Variants in TSHZ2 observed in about 807,000 individuals in gnomAD.
TSHZ2 encodes teashirt homolog 2.
A neutral mutation model predicts 74.4 loss-of-function variants in TSHZ2; 21 were observed. The ratio of observed to expected loss-of-function variants is 0.28; its 90% CI spans 0.20 to 0.41. The LOEUF is 0.41. Ranked by LOEUF, TSHZ2 falls within the 10% of genes least tolerant of loss-of-function variation. The pLI is 1.00. For missense variants in TSHZ2, 1,244 were observed against 1,293.5 expected, an observed-to-expected ratio of 0.96 and a Z score of 0.59; for synonymous variants, 540 against 515.3, an observed-to-expected ratio of 1.05 and a Z score of -0.65.
chr20:53,460,896 G>A lies in TSHZ2; in HGVS notation c.*9-26248G>A, dbSNP rs544031041. Among the ~76,000 whole-genome samples, 23 of 152,350 alleles carry A rather than the reference G, an allele frequency of 1.5e-4. 1 individual carries two copies. In the South Asian group the frequency reaches 2.1e-3, roughly 14 times the overall value. The stretch of plus-strand genomic sequence containing the variant: ...ACCCACTTGAGGAGGCAATCTGCCC[G>A]TTCTCAGATCTCCAGCTGCGTACTG... On this transcript the variant is annotated intron_variant, in intron 2 of 2. Coordinates refer to ENST00000371497, the MANE Select transcript of TSHZ2 (RefSeq NM_173485.6).
chr20:53,271,919 A>G (rs1221202664), intron 2 of TSHZ2, among the ~76,000 whole-genome samples: 3 of 152,188 alleles, frequency 2.0e-5, no homozygotes, highest in Non-Finnish European at 2.9e-5. Context: ...ATGATCATAG[A>G]GACAGATATT....
intron 2 of TSHZ2, among the ~76,000 whole-genome samples, chr20:53,362,435 C>T (rs191946524): frequency 3.4e-5 from 5 of 149,034 alleles, no homozygotes; most frequent in East Asian, 2.0e-4. Flanking sequence ...CTGCCCACCT[C>T]GGCCTCCCAA....
At chr20:52,985,780 C>T (rs1981730191) in intron 1 of TSHZ2, among the ~76,000 whole-genome samples, 1 of 152,150 alleles carries the variant, frequency 6.6e-6, no homozygotes, top group South Asian at 2.1e-4. Context: ...AAGCATGTCT[C>T]TACGGGGAAA....
chr20:52,999,401 G>T (rs960818163), intron 1 of TSHZ2, among the ~76,000 whole-genome samples: 1 of 151,944 alleles, frequency 6.6e-6, no homozygotes, highest in Non-Finnish European at 1.5e-5. Flanking sequence ...AGGGAGGGAA[G>T]GTGAGGGAAG....
intron 1 of TSHZ2, among the ~76,000 whole-genome samples, chr20:53,095,698 G>A (rs1450944479): frequency 6.6e-6 from 1 of 152,132 alleles, no homozygotes; most frequent in Non-Finnish European, 1.5e-5. Flanking sequence ...GCTGTCTCGT[G>A]AACTGTAAAA....
At chr20:53,135,455 G>A (rs1987222606) in intron 1 of TSHZ2, among the ~76,000 whole-genome samples, 1 of 152,218 alleles carries the variant, frequency 6.6e-6, no homozygotes, top group African/African-American at 2.4e-5. Flanking sequence ...ATCTGTACGA[G>A]TTGCTGCCTG....
chr20:53,469,072 T>TATATATA (rs2145831268), intron 2 of TSHZ2, among the ~76,000 whole-genome samples: 1 of 130,016 alleles, frequency 7.7e-6, no homozygotes, highest in South Asian at 2.4e-4. Context: ...TATATATATA[T>TATATATA]ATATATATAT....
intron 2 of TSHZ2, among the ~76,000 whole-genome samples, chr20:53,262,770 C>T (rs1990628848): frequency 1.3e-5 from 2 of 152,100 alleles, no homozygotes; most frequent in African/African-American, 4.8e-5. Flanking sequence ...GCTTTCTTTC[C>T]CGACTCTCTC....
At chr20:53,166,770 A>G (rs1236351930) in intron 1 of TSHZ2, among the ~76,000 whole-genome samples, 1 of 152,120 alleles carries the variant, frequency 6.6e-6, no homozygotes, top group Non-Finnish European at 1.5e-5. Context: ...GACTCTGTCT[A>G]AAAAATAATA....
At chr20:53,429,470 G>C (rs963068607) in intron 2 of TSHZ2, among the ~76,000 whole-genome samples, 1 of 152,208 alleles carries the variant, frequency 6.6e-6, no homozygotes, top group South Asian at 2.1e-4. Context: ...TAAGTCTCAC[G>C]AGACCTGATG....
chr20:53,332,785 C>G (rs1373430920), intron 2 of TSHZ2, among the ~76,000 whole-genome samples: 2 of 152,146 alleles, frequency 1.3e-5, no homozygotes, highest in African/African-American at 4.8e-5. Flanking sequence ...GCGCAGAGAC[C>G]TGATGCCTAT....
chr20:53,443,085 G>T lies in TSHZ2; in HGVS notation c.*9-44059G>T, dbSNP rs549946971. The stretch of plus-strand genomic sequence containing the variant: ...AAATTACAGTTTTGCATTGAGACTG[G>T]TTTCTAAACATCCATCACCATTTAA... On this transcript the variant is annotated intron_variant, in intron 2 of 2. Transcript: ENST00000371497. 1.2e-4 allele frequency among the ~76,000 whole-genome samples: 18 copies of T among 152,228 alleles called. No homozygotes were observed. The South Asian group carries it at 2.9e-3, about 25-fold the overall frequency.
intron 1 of TSHZ2, among the ~76,000 whole-genome samples, chr20:53,103,249 T>C (rs766793850): frequency 6.6e-6 from 1 of 152,224 alleles, no homozygotes; most frequent in Non-Finnish European, 1.5e-5. Flanking sequence ...TTTGTTGGTT[T>C]CATTTTCCTG....
intron 2 of TSHZ2, among the ~76,000 whole-genome samples, chr20:53,442,448 C>G (rs545563852): frequency 6.6e-6 from 1 of 152,064 alleles, no homozygotes; most frequent in Non-Finnish European, 1.5e-5. Context: ...GACTGCTGAG[C>G]GGGGGCTTAG....
At chr20:53,342,230 C>T (rs1009514425) in intron 2 of TSHZ2, among the ~76,000 whole-genome samples, 3 of 151,338 alleles carry the variant, frequency 2.0e-5, no homozygotes, top group Admixed American at 6.6e-5. Context: ...GGCTCACACT[C>T]GGAATACCAC....
intron 2 of TSHZ2, among the ~76,000 whole-genome samples, chr20:53,276,016 CA>C (rs1990939207): frequency 6.6e-6 from 1 of 152,184 alleles, no homozygotes; most frequent in Admixed American, 6.5e-5. Flanking sequence ...CTGCAAACCA[CA>C]TCAAAGTTAA....
At chr20:53,235,226 GTCATGA>G (rs1157405895) in intron 1 of TSHZ2, among the ~76,000 whole-genome samples, 1 of 152,002 alleles carries the variant, frequency 6.6e-6, no homozygotes, top group African/African-American at 2.4e-5. Flanking sequence ...GGAGTACAGT[GTCATGA>G]TCTTGGCTCA....
chr20:53,084,839 T>G (rs1384174765), intron 1 of TSHZ2, among the ~76,000 whole-genome samples: 1 of 152,036 alleles, frequency 6.6e-6, no homozygotes, highest in Non-Finnish European at 1.5e-5. Context: ...AAACCAAGGC[T>G]TGAACTAACA....
At chr20:53,484,865 T>C (rs1986253725) in intron 2 of TSHZ2, among the ~76,000 whole-genome samples, 1 of 152,312 alleles carries the variant, frequency 6.6e-6, no homozygotes, top group Non-Finnish European at 1.5e-5. Context: ...TGTACACATA[T>C]CAAATGTCAT....
Sources: gnomAD v4.1 joint callset for allele counts (sites outside exome capture counted in the v4.1 genomes callset) on GRCh38, gnomAD v4.1.1 for gene constraint, MANE v1.5 for transcripts, NCBI Gene and HGNC (gene_info 2026-07-23, HGNC 2026-07-21) for gene names.